Variants in IQSEC1 observed in about 807,000 individuals in gnomAD.
IQSEC1 encodes the protein IQ motif and Sec7 domain ArfGEF 1, also known as IQ motif and SEC7 domain-containing protein 1.
In IQSEC1, 31 loss-of-function variants were observed where a neutral mutation model predicts 91.0. The ratio of observed to expected loss-of-function variants is 0.34; its 90% CI spans 0.26 to 0.46. The LOEUF (loss-of-function observed/expected upper bound fraction) is 0.46. Among genes scored for constraint, IQSEC1 ranks in the 20% least tolerant of loss-of-function variants. IQSEC1 has a pLI of 1.00. For missense variants in IQSEC1, 1,388 were observed against 1,575.6 expected (o/e 0.88, Z 2.02); for synonymous variants, 699 against 662.6 (o/e 1.05, Z -0.84).
At chr3:12,904,602 C>T (rs1000473405) in intron 12 of IQSEC1, among the ~76,000 whole-genome samples, 2 of 152,186 alleles carry the variant, frequency 1.3e-5, no homozygotes, top group African/African-American at 2.4e-5. Flanking sequence ...CTCCACCCCC[C>T]TCTTGGGTGG....
At chr3:12,937,258 T>TA (rs1698286758) in intron 2 of IQSEC1, among the ~76,000 whole-genome samples, 1 of 152,186 alleles carries the variant, frequency 6.6e-6, no homozygotes, top group South Asian at 2.1e-4. Context: ...GGCAGTGAGA[T>TA]ACACTATGTT....
At chr3:13,029,769 G>T (rs956354797) in intron 1 of IQSEC1, among the ~76,000 whole-genome samples, 2 of 152,202 alleles carry the variant, frequency 1.3e-5, no homozygotes, top group South Asian at 4.1e-4. Flanking sequence ...AAAGAGGACT[G>T]GTGAGGACTG....
intron 1 of IQSEC1, among the ~76,000 whole-genome samples, chr3:13,000,568 A>G (rs1367316027): frequency 6.6e-6 from 1 of 152,252 alleles, no homozygotes; most frequent in African/African-American, 2.4e-5. Context: ...AAGCAGGAAT[A>G]GAGTCTGCTT....
intron 2 of IQSEC1, 126 bp downstream of exon 2, chr3:12,941,445 T>C: frequency 2.1e-6 from 2 of 974,178 alleles, no homozygotes. Context: ...GCCCTCAGCC[T>C]TAGCCCACAT....
intron 1 of IQSEC1, among the ~76,000 whole-genome samples, chr3:13,265,479 T>A (rs1235254621): frequency 6.6e-6 from 1 of 152,086 alleles, no homozygotes; most frequent in African/African-American, 2.4e-5. Context: ...AACCTTAGGG[T>A]CAGGATCAAC....
chr3:13,045,896 G>A (rs1161004605), intron 1 of IQSEC1, among the ~76,000 whole-genome samples: 3 of 152,220 alleles, frequency 2.0e-5, no homozygotes, highest in East Asian at 3.8e-4. Context: ...GTGTGAGCCC[G>A]CAAGCACATA....
intron 2 of IQSEC1, among the ~76,000 whole-genome samples, chr3:13,125,535 C>CA (rs1282027781): frequency 6.6e-6 from 1 of 152,234 alleles, no homozygotes; most frequent in African/African-American, 2.4e-5. Context: ...GCTGGCAGTG[C>CA]AGTGTGGCGC....
chr3:13,082,484 A>G (rs987327206), intron 2 of IQSEC1, among the ~76,000 whole-genome samples: 19 of 152,278 alleles, frequency 1.2e-4, no homozygotes, highest in African/African-American at 4.6e-4. Flanking sequence ...CCCAGCGGGC[A>G]TTCTCTATGG....
chr3:13,032,220 C>T (rs73147250), intron 1 of IQSEC1, among the ~76,000 whole-genome samples: 6,635 of 152,266 alleles, frequency 0.044, 491 homozygotes, highest in African/African-American at 0.15. Context: ...CACGGTTCCA[C>T]TTTCAAAATG....
At chr3:13,017,984 C>A (rs1304883559) in intron 1 of IQSEC1, among the ~76,000 whole-genome samples, 1 of 152,142 alleles carries the variant, frequency 6.6e-6, no homozygotes, top group Non-Finnish European at 1.5e-5. Flanking sequence ...GCTGGTGACC[C>A]CTTCCTCAGC....
Position 13,160,225 on chromosome 3 carries a change from G to A in IQSEC1, c.302+3879C>T, listed in dbSNP as rs945988295. On this transcript the variant is annotated intron_variant, in intron 2 of 15. Transcript: ENST00000648114. ...AGCAAACCAGAAAGGTGGCAACTCC[G>A]ATCATTTGAGTCTAAAGAACAAGAA... is the stretch of plus-strand genomic sequence containing the variant. Among the ~76,000 whole-genome samples the A allele has an allele frequency of 2.0e-5, 3 of 152,240 alleles. No individual in the cohort carries two copies. The East Asian group carries it at 5.8e-4, about 29-fold the overall frequency.
rs538330843 is a variant in IQSEC1 at position 13,047,854 on chromosome 3, G to T, written c.23+25138C>A. 3.3e-5 allele frequency among the ~76,000 whole-genome samples: 5 copies of T among 152,238 alleles called. No individual in the cohort carries two copies. In the South Asian group the frequency reaches 1.0e-3, roughly 32 times the overall value. On this transcript the variant is annotated intron_variant, in intron 1 of 13. Coordinates refer to ENST00000613206, the MANE Select transcript of IQSEC1 (RefSeq NM_001134382.3). ...TGGCTGGACCCAGACTTAACCTCGG[G>T]TATGTTTGACCTGAGCCACCATGCT...
At position 12,961,575 on chromosome 3, in the gene IQSEC1, C is replaced by T. The variant is rs1308957594; in HGVS notation, c.24-19710G>A. Among the ~76,000 whole-genome samples the T allele has an allele frequency of 2.0e-5, 3 of 152,312 alleles. No homozygotes were observed. In the East Asian group the frequency reaches 5.8e-4, roughly 29 times the overall value. On this transcript the variant is annotated intron_variant, in intron 1 of 13. Transcript: ENST00000613206. ...CAGCCCTTTAGCCCTTTAACTTCTT[C>T]CCCTCACCACTATCTCTCTGCACCC...
At chr3:13,054,494 C>T (rs538817381) in intron 1 of IQSEC1, among the ~76,000 whole-genome samples, 1 of 152,360 alleles carries the variant, frequency 6.6e-6, no homozygotes, top group South Asian at 2.1e-4. Context: ...GAGCTATGAA[C>T]TGTGTCACAG....
At chr3:13,121,987 G>A (rs557855419) in intron 2 of IQSEC1, among the ~76,000 whole-genome samples, 2 of 152,236 alleles carry the variant, frequency 1.3e-5, no homozygotes, top group South Asian at 2.1e-4. Context: ...AGTTCAGGTC[G>A]GCCAGGCGCA....
At chr3:13,121,787 C>A (rs1706428130) in intron 2 of IQSEC1, among the ~76,000 whole-genome samples, 1 of 152,176 alleles carries the variant, frequency 6.6e-6, no homozygotes, top group Non-Finnish European at 1.5e-5. Context: ...AACAGGGCGG[C>A]CCCCAGGATG....
intron 1 of IQSEC1, among the ~76,000 whole-genome samples, chr3:13,035,583 TC>T (rs1704005584): frequency 6.6e-6 from 1 of 152,210 alleles, no homozygotes; most frequent in Non-Finnish European, 1.5e-5. Flanking sequence ...ACCTGTTAGG[TC>T]CTCTTCCCAA....
In IQSEC1 at chr3:13,091,245, C is replaced by T. The variant is rs112306226; in HGVS notation, c.303-43723G>A. Among the ~76,000 whole-genome samples, 416 of 152,332 alleles carry T rather than the reference C, an allele frequency of 2.7e-3. 1 individual carries two copies. The highest frequency in any genetic ancestry group is 9.5e-3 in the African/African-American group (396 of 41,562). ...CACCACTCTCCGAGGGCAGCAGCAT[C>T]GGTCTCTCTGCCAGGCTGCTGGTTG... On this transcript the variant is annotated intron_variant, in intron 2 of 15. Coordinates refer to the IQSEC1 transcript ENST00000648114.
At chr3:13,092,656 C>A (rs1705883487) in intron 2 of IQSEC1, among the ~76,000 whole-genome samples, 1 of 152,156 alleles carries the variant, frequency 6.6e-6, no homozygotes, top group African/African-American at 2.4e-5. Context: ...TAGCCCCTAA[C>A]CCGAATTATT....
Sources: allele counts gnomAD v4.1 joint callset (sites outside exome capture counted in the v4.1 genomes callset), GRCh38; gene constraint gnomAD v4.1.1; transcripts MANE v1.5; gene names NCBI Gene and HGNC (gene_info 2026-07-23, HGNC 2026-07-21).